The following ESYT1 variants were observed in gnomAD, a reference collection of about 807,000 sequenced individuals.
ESYT1 encodes the protein extended synaptotagmin-1.
In ESYT1, 116 loss-of-function variants were observed where a neutral mutation model predicts 154.2. The observed-to-expected ratio is 0.75, with a 90% CI of 0.65 to 0.88. The LOEUF (loss-of-function observed/expected upper bound fraction) is 0.88, where lower values mean the gene tolerates loss of function less well. Among genes scored for constraint, ESYT1 ranks in the 40% least tolerant of loss-of-function variants. ESYT1 has a pLI of 0.00. For synonymous variants in ESYT1, 500 were observed against 539.9 expected, an observed-to-expected ratio of 0.93 and a Z score of 1.02; for missense variants, 1,264 against 1,379.3, an observed-to-expected ratio of 0.92 and a Z score of 1.32.
rs1237363423 is a variant in ESYT1 at position 56,131,068 on chromosome 12, A to C, written c.596A>C (p.His199Pro). The part of the protein sequence containing the change: ...KPLRIIGVKV[H>P]PGQRKEQILL... ...TTGCGCATCATTGGAGTCAAGGTTC[A>C]CCCAGGTCAGAGAAAAGAGCAGATC... The change falls in exon 4 of 31, where the codon CAC becomes CCC. Residue 199 changes from histidine (H) to proline (P), a missense_variant. His to Pro is a moderately conservative substitution (Grantham distance 77). Transcript: ENST00000394048. The C allele has an allele frequency of 6.2e-7, 1 of 1,614,130 alleles. No homozygotes were observed. The highest frequency in any genetic ancestry group is 8.5e-7 in the Non-Finnish European group (1 of 1,180,014).
At position 56,137,623 on chromosome 12, in the gene ESYT1, G is replaced by C; in HGVS notation, c.2063G>C (p.Arg688Pro). The change falls in exon 18 of 31, where the codon CGG (arginine) becomes CCG (proline). Residue 688 changes from arginine (R) to proline (P), a missense_variant. Coordinates refer to ENST00000394048, the MANE Select transcript of ESYT1 (RefSeq NM_015292.3). The stretch of plus-strand genomic sequence containing the variant: ...CTAAAGTTGGCAGGACGAAGCTTCC[G>C]GAGCCATGTTGTTCGGGAAGATCTC... Reference protein sequence around the residue: ...VKLKLAGRSFRSHVVREDLNP... With the variant: ...VKLKLAGRSFPSHVVREDLNP... 2 of 1,614,104 alleles carry C rather than the reference G, an allele frequency of 1.2e-6. No individual in the cohort carries two copies. The highest frequency in any genetic ancestry group is 8.5e-7 in the Non-Finnish European group (1 of 1,180,024).
In ESYT1 at chr12:56,144,254, C is replaced by T; in HGVS notation, c.*392C>T. 1 of 1,094,576 alleles carries T rather than the reference C, an allele frequency of 9.1e-7. No individual in the cohort carries two copies. Among genetic ancestry groups the T allele is most frequent in the Non-Finnish European group, 1.1e-6 (1 of 895,180 alleles). The allele number at this position is 1,094,576 out of a possible 1,614,324, so 67.8% of individuals were successfully genotyped here. A position where few individuals can be genotyped will look rare whatever the true frequency, so the allele number is the denominator to read the frequency against. On this transcript the variant is annotated 3_prime_UTR_variant, in exon 31 of 31. Coordinates refer to ENST00000394048, the MANE Select transcript of ESYT1 (RefSeq NM_015292.3). ...TTTTCTTTAACTAGATGGTCACCTT[C>T]TTCCCTACCACACATGGGTGGGAAG... is the stretch of plus-strand genomic sequence containing the variant.
rs909830423 is a variant in ESYT1, at chr12:56,144,665, A to G, written c.*803A>G. 1 of 985,198 alleles carries G rather than the reference A, an allele frequency of 1.0e-6. No individual in the cohort carries two copies. The highest frequency in any genetic ancestry group is 6.2e-5 in the Admixed American group (1 of 16,254). The allele number at this position is 985,198 out of a possible 1,614,324, so 61.0% of individuals were successfully genotyped here. A position where few individuals can be genotyped will look rare whatever the true frequency, so the allele number is the denominator to read the frequency against. On this transcript the variant is annotated 3_prime_UTR_variant, in exon 31 of 31. Transcript: ENST00000394048. The stretch of plus-strand genomic sequence containing the variant: ...CACTGGATCTTACATTAAACATCAT[A>G]CTCAAACCAGCTGTGGTTCTTTTCC...
chr12:56,138,026 G>A lies in ESYT1; in HGVS notation c.2199G>A (p.Arg733=), dbSNP rs776902751. 2 of 1,614,192 alleles carry A rather than the reference G, an allele frequency of 1.2e-6. No individual in the cohort carries two copies. ...KDLDKDDFLG[R]CKVRLTTVLN... is the part of the protein sequence containing the mutation. ...TTGTCTTAATCTTTCTCTTCAACAG[G>A]TGTAAAGTGCGTCTCACCACAGTCT... Residue 733 remains arginine (R), a splice_region_variant and synonymous_variant, in exon 20 of 31, where the codon AGG becomes AGA. Transcript: ENST00000394048.
chr12:56,139,091 A>G, intron 24 of ESYT1, 78 bp downstream of exon 24: 3 of 1,071,820 alleles, frequency 2.8e-6, no homozygotes, highest in Non-Finnish European at 4.3e-6. Flanking sequence ...GAGCATTCAG[A>G]GATGAGATAA....
At position 56,132,510 on chromosome 12, in the gene ESYT1, A is replaced by C. The variant is rs768199786; in HGVS notation, c.1074A>C (p.Pro358=). The C allele has an allele frequency of 5.0e-6, 8 of 1,614,080 alleles. No individual in the cohort carries two copies. The highest frequency in any genetic ancestry group is 6.8e-6 in the Non-Finnish European group (8 of 1,180,048). Residue 358 remains proline, a synonymous_variant, in exon 9 of 31, where the codon CCA becomes CCC. Transcript: ENST00000394048. ...VKGLIEGKSD[P]YALVRLGTQT... ...GCCTGATTGAGGGCAAGTCAGACCC[A>C]TATGCACTTGTGCGTTTGGGTACCC...
At chr12:56,136,665 G>A (rs1386981620) in intron 15 of ESYT1, 79 bp from the exon 16 acceptor site, 5 of 1,323,178 alleles carry the variant, frequency 3.8e-6, no homozygotes, top group Non-Finnish European at 5.1e-6. Flanking sequence ...GAATGAAGTT[G>A]GAGCCATGTT....
At chr12:56,140,269 A>G (rs890468615) in intron 24 of ESYT1, among the ~76,000 whole-genome samples, 1 of 152,228 alleles carries the variant, frequency 6.6e-6, no homozygotes, top group Non-Finnish European at 1.5e-5. Flanking sequence ...TATTTATTAT[A>G]GATCAGAGAG....
At chr12:56,143,440 C>T (rs751586056) in intron 29 of ESYT1, 107 bp downstream of exon 29, 13 of 1,452,398 alleles carry the variant, frequency 9.0e-6, no homozygotes, top group Non-Finnish European at 1.2e-5. Context: ...TTAGAGGTGA[C>T]TCACCTCTGC....
At chr12:56,138,325 T>C in intron 21 of ESYT1, 53 bp downstream of exon 21, 3 of 1,612,622 alleles carry the variant, frequency 1.9e-6, no homozygotes, top group Non-Finnish European at 2.5e-6. Context: ...CAGGATGAGC[T>C]CTTCTCTTAG....
Position 56,136,874 on chromosome 12 carries a change from A to G in ESYT1, c.1763A>G (p.Tyr588Cys), listed in dbSNP as rs767511602. The G allele has an allele frequency of 1.1e-5, 18 of 1,605,836 alleles. No individual in the cohort carries two copies. The highest frequency in any genetic ancestry group is 9.4e-5 in the African/African-American group (7 of 74,594). The change falls in exon 16 of 31, where the codon TAT becomes TGT. Residue 588 changes from tyrosine to cysteine, a missense_variant. Coordinates refer to ENST00000394048, the MANE Select transcript of ESYT1 (RefSeq NM_015292.3). The stretch of plus-strand genomic sequence containing the variant: ...AGCTCTGGTCCAAACTCCAGACTCT[A>G]TATGAAACTAGTCATGAGGGTATGG... ...LSSSGPNSRL[Y>C]MKLVMRILYL...
rs747695383 is a variant in ESYT1, at chr12:56,143,531, T to C, written c.3226-49T>C. ...AGCATCATCAGAATGAGATCCTGTCTCAAAAAATAAAAGAAATAACATCTT... is the reference window on the plus strand; with the variant it reads ...AGCATCATCAGAATGAGATCCTGTCCCAAAAAATAAAAGAAATAACATCTT... On this transcript the variant is annotated intron_variant, in intron 29 of 30. Coordinates refer to ENST00000394048, the MANE Select transcript of ESYT1 (RefSeq NM_015292.3). 3.1e-6 allele frequency: 5 copies of C among 1,610,762 alleles called. No homozygotes were observed. The Admixed American group carries it at 8.4e-5, about 27-fold the overall frequency.
At chr12:56,129,647 T>A (rs1870149857) in intron 1 of ESYT1, 1 of 152,262 alleles carries the variant, frequency 6.6e-6, no homozygotes, top group Non-Finnish European at 1.5e-5. Context: ...AGGGGACCTG[T>A]AGCCTAGGCA....
intron 15 of ESYT1, 122 bp from the exon 16 acceptor site, chr12:56,136,622 G>A: frequency 1.5e-6 from 1 of 650,012 alleles, no homozygotes; most frequent in Non-Finnish European, 2.2e-6. Flanking sequence ...ATGGCCCTGA[G>A]TGGAGCAGGA....
In ESYT1 at chr12:56,144,409, T is replaced by C. The variant is rs2136890723; in HGVS notation, c.*547T>C. On this transcript the variant is annotated 3_prime_UTR_variant, in exon 31 of 31. Transcript: ENST00000394048. ...ACCCTGTCCTGAAAATTCTACTGCTTTGATGGCTGGGGCCAGTCTCTTGTC... is the reference window on the plus strand; with the variant it reads ...ACCCTGTCCTGAAAATTCTACTGCTCTGATGGCTGGGGCCAGTCTCTTGTC... 1 of 988,732 alleles carries C rather than the reference T, an allele frequency of 1.0e-6. No individual in the cohort carries two copies. The highest frequency in any genetic ancestry group is 1.2e-6 in the Non-Finnish European group (1 of 831,902). 61.2% of individuals were successfully genotyped at this position (988,732 alleles called of 1,614,324 possible).
At chr12:56,132,098 A>G (rs775622060) in intron 7 of ESYT1, 111 bp from the exon 8 acceptor site, 1 of 1,537,238 alleles carries the variant, frequency 6.5e-7, no homozygotes, top group African/African-American at 1.4e-5. Context: ...GATTTTCACA[A>G]AAGGACTTTC....
chr12:56,131,179 C>T, intron 4 of ESYT1, 65 bp from the exon 5 acceptor site: 1 of 1,613,056 alleles, frequency 6.2e-7, no homozygotes, highest in East Asian at 2.2e-5. Flanking sequence ...GGCTACTTCA[C>T]TCCCCCTCCC....
chr12:56,128,583 C>T lies in ESYT1; in HGVS notation c.264C>T (p.Tyr88=), dbSNP rs747657467. 1.1e-5 allele frequency: 18 copies of T among 1,613,930 alleles called. No homozygotes were observed. In the South Asian group the frequency reaches 2.0e-4, roughly 18 times the overall value. ...VGFVLFGLAL[Y]LGWRRVRDEK... ...TCGTGCTCTTCGGCCTCGCCCTCTA[C>T]CTGGGCTGGCGCCGGGTCCGCGACG... The change falls in exon 1 of 31, where the codon TAC becomes TAT. Residue 88 remains tyrosine, a synonymous_variant. Transcript: ENST00000394048.
intron 24 of ESYT1, among the ~76,000 whole-genome samples, chr12:56,140,760 G>A (rs750466803): frequency 5.9e-5 from 9 of 152,204 alleles, no homozygotes; most frequent in Non-Finnish European, 7.3e-5. Flanking sequence ...GGACAACACT[G>A]GGGGCAGGGA....
Sources: allele counts gnomAD v4.1 joint callset (sites outside exome capture counted in the v4.1 genomes callset), GRCh38; gene constraint gnomAD v4.1.1; transcripts MANE v1.5; gene names NCBI Gene and HGNC (gene_info 2026-07-23, HGNC 2026-07-21).